Variants in PRICKLE1 observed in about 807,000 individuals in gnomAD.
PRICKLE1 encodes prickle planar cell polarity protein 1, also known as prickle-like protein 1.
A neutral mutation model predicts 70.2 loss-of-function variants in PRICKLE1; 14 were observed. The ratio of observed to expected loss-of-function variants is 0.20; its 90% CI spans 0.13 to 0.31. The LOEUF is 0.31. PRICKLE1 is among the 10% of genes least tolerant of loss of function. PRICKLE1 has a pLI of 1.00. For missense variants in PRICKLE1, 821 were observed against 1,026.2 expected (o/e 0.80, Z 2.73); for synonymous variants, 357 against 379.9 (o/e 0.94, Z 0.70).
chr12:42,490,728 G>A (rs76282874), intron 1 of PRICKLE1, among the ~76,000 whole-genome samples: 5,687 of 152,172 alleles, frequency 0.037, 355 homozygotes, highest in African/African-American at 0.13. Flanking sequence ...TCCTAAATGA[G>A]TCAGTATATC....
At chr12:42,485,437 C>T (rs572682083) in intron 1 of PRICKLE1, 4 of 152,242 alleles carry the variant, frequency 2.6e-5, no homozygotes, top group African/African-American at 9.6e-5. Flanking sequence ...TAGAACTCTT[C>T]TGGCCTTAGG....
chr12:42,493,434 TG>T (rs1466879208), intron 1 of PRICKLE1, among the ~76,000 whole-genome samples: 1 of 152,164 alleles, frequency 6.6e-6, no homozygotes. Flanking sequence ...GATAGGGTAA[TG>T]GTTAACCAGA....
Position 42,466,292 on chromosome 12 carries a change from C to T in PRICKLE1, c.677G>A (p.Gly226Glu). ...GTCCTTCATGATATACCTCTGTCCT[C>T]CCAGGACCGTTTCACACTCAAGGCA... ...FCCLECETVLGGQRYIMKDGR... is the reference protein window; with the variant it reads ...FCCLECETVLEGQRYIMKDGR... The change falls in exon 6 of 8, where the codon GGA becomes GAA. Residue 226 changes from glycine to glutamate, a missense_variant. Transcript: ENST00000345127. 1.2e-6 allele frequency: 2 copies of T among 1,614,190 alleles called. No homozygotes were observed. Among genetic ancestry groups the T allele is most frequent in the South Asian group, 2.2e-5 (2 of 91,086 alleles).
Position 42,541,117 on chromosome 12 carries a change from T to C in PRICKLE1, c.-49+48348A>G, listed in dbSNP as rs536801521. Among the ~76,000 whole-genome samples the C allele has an allele frequency of 1.3e-4, 20 of 152,276 alleles. No homozygotes were observed. The South Asian group carries it at 2.7e-3, about 21-fold the overall frequency. On this transcript the variant is annotated intron_variant, in intron 1 of 7. Transcript: ENST00000345127. ...GAAATATATTAATATACAAATACAG[T>C]TGGTAACATAAGATGCACTTTTCCA...
At chr12:42,495,621 C>T (rs374242304) in intron 1 of PRICKLE1, among the ~76,000 whole-genome samples, 14 of 151,606 alleles carry the variant, frequency 9.2e-5, no homozygotes, top group Non-Finnish European at 1.6e-4. Context: ...GATGGAGTCT[C>T]GCTCTGTCGC....
intron 1 of PRICKLE1, among the ~76,000 whole-genome samples, chr12:42,534,892 T>C (rs1172988668): frequency 6.6e-6 from 1 of 152,202 alleles, no homozygotes; most frequent in African/African-American, 2.4e-5. Context: ...AAAGAAAATA[T>C]GTATAGTGTG....
At chr12:42,489,564 G>A (rs78494484) in intron 1 of PRICKLE1, among the ~76,000 whole-genome samples, 1 of 147,750 alleles carries the variant, frequency 6.8e-6, no homozygotes, top group Non-Finnish European at 1.5e-5. Flanking sequence ...GGAGGCAGAG[G>A]CAGGAGAATG....
In PRICKLE1 at chr12:42,466,188, A is replaced by C. The variant is rs766892165; in HGVS notation, c.775+6T>G. Reference sequence around the variant, plus strand: ...GACAGGGCAGACGGGCTGGCTGTGGACTTACCAATATGTTCCCCACAGGTT... The same window carrying C: ...GACAGGGCAGACGGGCTGGCTGTGGCCTTACCAATATGTTCCCCACAGGTT... On this transcript the variant is annotated splice_donor_region_variant and intron_variant, in intron 6 of 7. Coordinates refer to ENST00000345127, the MANE Select transcript of PRICKLE1 (RefSeq NM_153026.3). 1 of 1,614,126 alleles carries C rather than the reference A, an allele frequency of 6.2e-7. No individual in the cohort carries two copies. Among genetic ancestry groups the C allele is most frequent in the Non-Finnish European group, 8.5e-7 (1 of 1,179,984 alleles).
intron 1 of PRICKLE1, among the ~76,000 whole-genome samples, chr12:42,538,445 G>C (rs778350674): frequency 4.6e-5 from 7 of 152,140 alleles, no homozygotes; most frequent in Non-Finnish European, 7.4e-5. Context: ...TTCACCTGGA[G>C]ATGCTGTTAA....
intron 6 of PRICKLE1, chr12:42,465,584 A>G: frequency 5.8e-6 from 2 of 343,382 alleles, no homozygotes; most frequent in South Asian, 7.3e-5. Context: ...ACTGTAGACA[A>G]GTGTCCTATT....
At chr12:42,541,847 G>A (rs963031109) in intron 1 of PRICKLE1, among the ~76,000 whole-genome samples, 1 of 152,102 alleles carries the variant, frequency 6.6e-6, no homozygotes, top group South Asian at 2.1e-4. Flanking sequence ...GCATGTTCAC[G>A]TTTAAGATCA....
At chr12:42,479,621 G>T (rs1016740593) in intron 1 of PRICKLE1, among the ~76,000 whole-genome samples, 2 of 152,144 alleles carry the variant, frequency 1.3e-5, no homozygotes, top group Non-Finnish European at 2.9e-5. Context: ...AATGCCAAAA[G>T]GAGCCAACTG....
intron 1 of PRICKLE1, among the ~76,000 whole-genome samples, chr12:42,516,367 C>T (rs908364532): frequency 5.3e-5 from 8 of 151,956 alleles, no homozygotes; most frequent in Admixed American, 4.6e-4. Flanking sequence ...CTCCTGACCT[C>T]GTGATCCGCC....
At chr12:42,470,411 G>T (rs1174326035) in intron 2 of PRICKLE1, 52 bp from the exon 3 acceptor site, 2 of 1,209,666 alleles carry the variant, frequency 1.7e-6, no homozygotes, top group Admixed American at 1.7e-5. Context: ...GAGCATCTCA[G>T]CTCACTTAAT....
At chr12:42,488,588 ACT>A (rs1939030553) in intron 1 of PRICKLE1, among the ~76,000 whole-genome samples, 1 of 152,184 alleles carries the variant, frequency 6.6e-6, no homozygotes, top group South Asian at 2.1e-4. Flanking sequence ...GGTTTGATAC[ACT>A]CTTAAATTTC....
chr12:42,500,454 A>G (rs1021177377), intron 1 of PRICKLE1, among the ~76,000 whole-genome samples: 3 of 152,216 alleles, frequency 2.0e-5, no homozygotes, highest in African/African-American at 4.8e-5. Context: ...CAACCCAACC[A>G]TCACCTCTTC....
chr12:42,586,069 A>T (rs1940982876), intron 1 of PRICKLE1, among the ~76,000 whole-genome samples: 1 of 152,172 alleles, frequency 6.6e-6, no homozygotes, highest in Non-Finnish European at 1.5e-5. Context: ...ATTATTGTGC[A>T]ATCCAATAAT....
rs551193273 is a variant in PRICKLE1, at chr12:42,468,226, T to C, written c.588+400A>G. Among the ~76,000 whole-genome samples, 8 of 152,326 alleles carry C rather than the reference T, an allele frequency of 5.3e-5. No individual in the cohort carries two copies. The South Asian group carries it at 1.7e-3, about 32-fold the overall frequency. ...ACTACTATTAATTTGGTATTTGTCTTTCCATACCTTTTCTGAGCATAAACA... is the reference window on the plus strand; with the variant it reads ...ACTACTATTAATTTGGTATTTGTCTCTCCATACCTTTTCTGAGCATAAACA... On this transcript the variant is annotated intron_variant, in intron 5 of 7. Coordinates refer to ENST00000345127, the MANE Select transcript of PRICKLE1 (RefSeq NM_153026.3).
chr12:42,554,742 T>C (rs1291383546), intron 1 of PRICKLE1, among the ~76,000 whole-genome samples: 1 of 152,224 alleles, frequency 6.6e-6, no homozygotes, highest in East Asian at 1.9e-4. Flanking sequence ...CCCAATTCTC[T>C]TCGTGGTGAA....
Sources: gnomAD v4.1 joint callset for allele counts (sites outside exome capture counted in the v4.1 genomes callset) on GRCh38, gnomAD v4.1.1 for gene constraint, MANE v1.5 for transcripts, NCBI Gene and HGNC (gene_info 2026-07-23, HGNC 2026-07-21) for gene names.